SUGCT: variants seen among roughly 807,000 people sequenced by gnomAD.
SUGCT encodes the protein succinyl-CoA:glutarate-CoA transferase, also known as succinyl-CoA:glutarate CoA-transferase.
A neutral mutation model predicts 55.0 loss-of-function variants in SUGCT; 41 were observed. That is an observed-to-expected ratio of 0.74 (90% CI 0.58 to 0.97). SUGCT has a LOEUF of 0.97. Among genes scored for constraint, SUGCT ranks in the 50% least tolerant of loss-of-function variants. The probability of loss-of-function intolerance (pLI) is 0.00; values close to 1 mark genes in which losing one functional copy is unlikely to be tolerated. For synonymous variants in SUGCT, 187 were observed against 200.4 expected (o/e 0.93, Z 0.56); for missense variants, 568 against 547.8 (o/e 1.04, Z -0.37).
chr7:40,292,142 G>C (rs1190346951), intron 8 of SUGCT, among the ~76,000 whole-genome samples: 4 of 152,194 alleles, frequency 2.6e-5, no homozygotes, highest in Non-Finnish European at 4.4e-5. Flanking sequence ...TATACCATAT[G>C]TATATACATA....
At chr7:40,645,177 G>T (rs994110175) in intron 12 of SUGCT, among the ~76,000 whole-genome samples, 4 of 152,164 alleles carry the variant, frequency 2.6e-5, no homozygotes, top group African/African-American at 7.2e-5. Context: ...TACATGGGCT[G>T]CATCTTAACT....
intron 9 of SUGCT, among the ~76,000 whole-genome samples, chr7:40,380,523 G>A (rs1423085916): frequency 6.6e-6 from 1 of 152,102 alleles, no homozygotes; most frequent in Non-Finnish European, 1.5e-5. Flanking sequence ...GCTGTTTACT[G>A]TATTTATGGC....
chr7:41,005,390 A>G, the SUGCT span, among the ~76,000 whole-genome samples: 1 of 152,258 alleles, frequency 6.6e-6, no homozygotes, highest in East Asian at 1.9e-4. Flanking sequence ...GAGGGATAAA[A>G]GAGGTGTCTC....
At chr7:40,802,550 A>G (rs922875276) in intron 13 of SUGCT, among the ~76,000 whole-genome samples, 3 of 152,202 alleles carry the variant, frequency 2.0e-5, no homozygotes, top group African/African-American at 7.2e-5. Context: ...AAAGCCATGT[A>G]AACACCTTCC....
At chr7:40,686,846 T>C (rs1229792104) in intron 12 of SUGCT, among the ~76,000 whole-genome samples, 1 of 152,168 alleles carries the variant, frequency 6.6e-6, no homozygotes, top group African/African-American at 2.4e-5. Context: ...GTGGATGGTG[T>C]TACAAAATCT....
chr7:40,801,649 A>G (rs966581528), intron 13 of SUGCT, among the ~76,000 whole-genome samples: 1 of 152,192 alleles, frequency 6.6e-6, no homozygotes, highest in African/African-American at 2.4e-5. Flanking sequence ...TCTGGGAGGT[A>G]CAGCAGATGG....
At chr7:40,980,829 TG>T in the SUGCT span, among the ~76,000 whole-genome samples, 4 of 152,150 alleles carry the variant, frequency 2.6e-5, no homozygotes, top group African/African-American at 7.2e-5. Context: ...CCCAAGTAGC[TG>T]GGACCACAGG....
chr7:40,848,422 G>A (rs929024663), intron 13 of SUGCT, among the ~76,000 whole-genome samples: 1 of 151,968 alleles, frequency 6.6e-6, no homozygotes, highest in Admixed American at 6.6e-5. Flanking sequence ...TCTATGGCTC[G>A]TGTTTTTCCT....
chr7:41,003,051 CAT>C, the SUGCT span, among the ~76,000 whole-genome samples: 1 of 152,080 alleles, frequency 6.6e-6, no homozygotes, highest in Non-Finnish European at 1.5e-5. Flanking sequence ...TTATCTACCA[CAT>C]AGAGTTTTTA....
At chr7:40,249,331 ATATATATATAT>A (rs1562612137) in intron 7 of SUGCT, among the ~76,000 whole-genome samples, 7 of 115,944 alleles carry the variant, frequency 6.0e-5, no homozygotes, top group African/African-American at 2.4e-4. Context: ...ATATATATAT[ATATATATATAT>A]ATATAATTAT....
intron 13 of SUGCT, among the ~76,000 whole-genome samples, chr7:40,777,902 C>T (rs1789545450): frequency 6.6e-6 from 1 of 152,128 alleles, no homozygotes; most frequent in South Asian, 2.1e-4. Context: ...AGTTCCTCTG[C>T]CTGACTCTTC....
chr7:40,204,012 A>G (rs567335964), intron 6 of SUGCT, among the ~76,000 whole-genome samples: 17 of 151,930 alleles, frequency 1.1e-4, no homozygotes, highest in South Asian at 2.1e-4. Flanking sequence ...TTTTTGAGAC[A>G]AAGTCTCACT....
At chr7:40,249,593 C>T (rs945443193) in intron 7 of SUGCT, among the ~76,000 whole-genome samples, 2 of 151,224 alleles carry the variant, frequency 1.3e-5, no homozygotes, top group African/African-American at 4.9e-5. Context: ...TTAATCTTAA[C>T]CATTATAAGT....
At chr7:40,827,151 G>T (rs538904987) in intron 13 of SUGCT, among the ~76,000 whole-genome samples, 109 of 152,274 alleles carry the variant, frequency 7.2e-4, no homozygotes, top group South Asian at 5.8e-3. Flanking sequence ...GGAGGGGCAG[G>T]GAGGGAAAGA....
intron 1 of SUGCT, among the ~76,000 whole-genome samples, chr7:40,137,077 C>T (rs1404386832): frequency 2.6e-5 from 4 of 152,046 alleles, no homozygotes; most frequent in Non-Finnish European, 5.9e-5. Context: ...AGCCAGTCTA[C>T]TCAGGGGAGG....
chr7:40,762,812 C>CT (rs781414612), intron 13 of SUGCT, among the ~76,000 whole-genome samples: 2,343 of 144,934 alleles, frequency 0.016, 145 homozygotes, highest in East Asian at 0.092. Context: ...AAACAACTCT[C>CT]TTTTTTTTTT....
the SUGCT span, among the ~76,000 whole-genome samples, chr7:40,946,523 C>T: frequency 6.6e-6 from 1 of 152,156 alleles, no homozygotes; most frequent in African/African-American, 2.4e-5. Flanking sequence ...AATCCAGCTC[C>T]TATGTGCTTA....
intron 7 of SUGCT, among the ~76,000 whole-genome samples, chr7:40,273,214 T>G (rs1237494566): frequency 6.6e-6 from 1 of 152,206 alleles, no homozygotes; most frequent in Non-Finnish European, 1.5e-5. Flanking sequence ...GAAATTGTAT[T>G]GAAAAGCAGG....
intron 6 of SUGCT, among the ~76,000 whole-genome samples, chr7:40,195,397 A>G (rs1007156244): frequency 1.3e-5 from 2 of 150,982 alleles, no homozygotes; most frequent in African/African-American, 4.9e-5. Context: ...TAATTTTTGT[A>G]TTTTTAGTAG....
Sources: allele counts gnomAD v4.1 joint callset (sites outside exome capture counted in the v4.1 genomes callset), GRCh38; gene constraint gnomAD v4.1.1; transcripts MANE v1.5; gene names NCBI Gene and HGNC (gene_info 2026-07-23, HGNC 2026-07-21).